SYNPO2L: variants seen among roughly 807,000 people sequenced by gnomAD.
SYNPO2L encodes the protein synaptopodin 2 like, also known as synaptopodin 2-like protein.
Under a neutral mutation model 47.5 loss-of-function variants are expected in SYNPO2L, and 34 were observed. That is an observed-to-expected ratio of 0.72 (90% CI 0.54 to 0.95). SYNPO2L has a LOEUF of 0.95. SYNPO2L is among the 40% of genes least tolerant of loss of function. The pLI, the probability that SYNPO2L is intolerant of heterozygous loss-of-function variation, is 0.00. For missense variants in SYNPO2L, 1,246 were observed against 1,282.0 expected (o/e 0.97, Z 0.43); for synonymous variants, 536 against 524.9 (o/e 1.02, Z -0.29).
At position 73,648,425 on chromosome 10, in the gene SYNPO2L, T is replaced by G. The variant is rs1589452776; in HGVS notation, c.1227A>C (p.Glu409Asp). 1 of 1,608,378 alleles carries G rather than the reference T, an allele frequency of 6.2e-7. No individual in the cohort carries two copies. Reference protein sequence around the residue: ...DSSTQELARVEPAAMLNGEGL... With the variant: ...DSSTQELARVDPAAMLNGEGL... ...CTTCCCCGTTGAGCATGGCTGCTGG[T>G]TCGACCCGTGCCAGTTCCTGGGTGC... Residue 409 changes from glutamate (E) to aspartate (D), a missense_variant, in exon 4 of 4, where the codon GAA (glutamate) becomes GAC (aspartate). By Grantham distance (45) the Glu-to-Asp change is conservative. Transcript: ENST00000394810.
At chr10:73,650,713 G>T (rs2081834465) in intron 3 of SYNPO2L, 1 of 985,338 alleles carries the variant, frequency 1.0e-6, no homozygotes, top group Non-Finnish European at 1.2e-6. Context: ...AGCTCTTGTG[G>T]TCAGAAACCC....
chr10:73,645,011 G>C lies in SYNPO2L; in HGVS notation c.*1707C>G. The C allele has an allele frequency of 3.2e-6, 4 of 1,256,876 alleles. No individual in the cohort carries two copies. Among genetic ancestry groups the C allele is most frequent in the Non-Finnish European group, 4.1e-6 (4 of 971,792 alleles). The allele number at this position is 1,256,876 out of a possible 1,614,324, so 77.9% of individuals were successfully genotyped here. On this transcript the variant is annotated 3_prime_UTR_variant, in exon 4 of 4. Transcript: ENST00000394810. ...GCTGGTGGTGGTCTTGGTGAGAAGG[G>C]AGTCCATACTAAGATTGGAGATCAG...
chr10:73,647,153 G>A lies in SYNPO2L; in HGVS notation c.2499C>T (p.Ser833=), dbSNP rs746458878. ...QAARTLPKAQ[S]QGPRATPKQG... Reference sequence around the variant, plus strand: ...GCTTGGGTGTTGCCCGAGGCCCCTGGGATTGGGCCTTAGGGAGAGTTCGGG... The same window carrying A: ...GCTTGGGTGTTGCCCGAGGCCCCTGAGATTGGGCCTTAGGGAGAGTTCGGG... The change falls in exon 4 of 4, where the codon TCC becomes TCT. Residue 833 remains serine, a synonymous_variant. Transcript: ENST00000394810. The A allele has an allele frequency of 6.2e-7, 1 of 1,614,016 alleles. No homozygotes were observed. The highest frequency in any genetic ancestry group is 8.5e-7 in the Non-Finnish European group (1 of 1,179,958).
rs751269863 is a variant in SYNPO2L at position 73,645,111 on chromosome 10, G to A, written c.*1607C>T. On this transcript the variant is annotated 3_prime_UTR_variant, in exon 4 of 4. Transcript: ENST00000394810. The stretch of plus-strand genomic sequence containing the variant: ...GGACTGAAAGGAGGTTTTGGCTCTG[G>A]GTATTTCCCTACTCTTTCCCAGGCA... 3.4e-4 allele frequency: 425 copies of A among 1,232,558 alleles called. No homozygotes were observed. The highest frequency in any genetic ancestry group is 4.3e-4 in the Non-Finnish European group (413 of 963,954). The allele number at this position is 1,232,558 out of a possible 1,614,324, so 76.4% of individuals were successfully genotyped here. A position where few individuals can be genotyped will look rare whatever the true frequency, so the allele number is the denominator to read the frequency against.
At position 73,645,191 on chromosome 10, in the gene SYNPO2L, A is replaced by T; in HGVS notation, c.*1527T>A. 1 of 1,157,762 alleles carries T rather than the reference A, an allele frequency of 8.6e-7. No individual in the cohort carries two copies. The highest frequency in any genetic ancestry group is 1.1e-6 in the Non-Finnish European group (1 of 926,552). 71.7% of individuals were successfully genotyped at this position (1,157,762 alleles called of 1,614,324 possible). A position where few individuals can be genotyped will look rare whatever the true frequency, so the allele number is the denominator to read the frequency against. On this transcript the variant is annotated 3_prime_UTR_variant, in exon 4 of 4. Coordinates refer to ENST00000394810, the MANE Select transcript of SYNPO2L (RefSeq NM_001114133.3). ...AGAACAGACTCAAGGAAAATCACACAGACACCAACCGTTCTTTCAACACTC... is the reference window on the plus strand; with the variant it reads ...AGAACAGACTCAAGGAAAATCACACTGACACCAACCGTTCTTTCAACACTC...
rs746846008 is a variant in SYNPO2L at position 73,653,305 on chromosome 10, C to T, written c.606G>A (p.Pro202=). 1.8e-5 allele frequency: 28 copies of T among 1,551,362 alleles called. No homozygotes were observed. Among genetic ancestry groups the T allele is most frequent in the Non-Finnish European group, 2.4e-5 (27 of 1,146,928 alleles). Residue 202 remains proline, a synonymous_variant, in exon 3 of 4, where the codon CCG becomes CCA. Transcript: ENST00000394810. ...GAAGGGCTGCCCCATCCTCCCAAGA[C>T]GGGGAGCTCACACGGCTGTCACCCT... ...PSQGDSRVSS[P]SWEDGAALQP... is the part of the protein sequence containing the mutation.
intron 3 of SYNPO2L, among the ~76,000 whole-genome samples, chr10:73,651,539 C>A (rs73274515): frequency 6.6e-6 from 1 of 151,984 alleles, no homozygotes; most frequent in African/African-American, 2.4e-5. Context: ...TGGGAAAGCA[C>A]GGGAGGCATA....
Position 73,647,666 on chromosome 10 carries a change from C to A in SYNPO2L, c.1986G>T (p.Lys662Asn), listed in dbSNP as rs146498004. The A allele has an allele frequency of 6.2e-7, 1 of 1,614,032 alleles. No individual in the cohort carries two copies. Among genetic ancestry groups the A allele is most frequent in the Admixed American group, 1.7e-5 (1 of 60,012 alleles). Reference protein sequence around the residue: ...LLSLVQNLDEKPRAGGAESGP... With the variant: ...LLSLVQNLDENPRAGGAESGP... Reference sequence around the variant, plus strand: ...CAGATTCTGCACCCCCGGCCCGAGGCTTTTCATCCAGGTTCTGTACCAGCG... The same window carrying A: ...CAGATTCTGCACCCCCGGCCCGAGGATTTTCATCCAGGTTCTGTACCAGCG... Residue 662 changes from lysine (K) to asparagine (N), a missense_variant, in exon 4 of 4, where the codon AAG becomes AAT. Lys to Asn is a moderately conservative substitution (Grantham distance 94). This residue lies in a region of SYNPO2L where 1,037 missense variants were observed against 1,021.5 expected (regional missense o/e 1.02). Transcript: ENST00000394810.
chr10:73,649,003 CCT>C, intron 3 of SYNPO2L, 124 bp from the exon 4 acceptor site: 1 of 1,333,568 alleles, frequency 7.5e-7, no homozygotes, highest in Non-Finnish European at 9.6e-7. Context: ...CACAATGTCC[CCT>C]GTGACAAAGT....
chr10:73,653,917 A>G (rs1372442421), intron 2 of SYNPO2L: 3 of 746,194 alleles, frequency 4.0e-6, no homozygotes, highest in South Asian at 2.0e-5. Context: ...AAGTAGGCTC[A>G]TCAGTCAAAT....
rs371668773 is a variant in SYNPO2L at position 73,645,519 on chromosome 10, C to CT, written c.*1198dup. 4 of 995,570 alleles carry CT rather than the reference C, an allele frequency of 4.0e-6. No homozygotes were observed. The highest frequency in any genetic ancestry group is 1.1e-4 in the East Asian group (1 of 8,858). 61.7% of individuals were successfully genotyped at this position (995,570 alleles called of 1,614,324 possible). ...TTCATTCTCGGAGGGAATTTTCTTTCTTTTTTTCATTTCCTGGGTACTGGG... is the reference window on the plus strand; with the variant it reads ...TTCATTCTCGGAGGGAATTTTCTTTCTTTTTTTTCATTTCCTGGGTACTGGG... On this transcript the variant is annotated 3_prime_UTR_variant, in exon 4 of 4. Coordinates refer to ENST00000394810, the MANE Select transcript of SYNPO2L (RefSeq NM_001114133.3).
chr10:73,646,132 G>A lies in SYNPO2L; in HGVS notation c.*586C>T, dbSNP rs1321086413. 7 of 982,862 alleles carry A rather than the reference G, an allele frequency of 7.1e-6. No homozygotes were observed. The Admixed American group carries it at 4.4e-4, about 62-fold the overall frequency. 60.9% of individuals were successfully genotyped at this position (982,862 alleles called of 1,614,324 possible). Reference sequence around the variant, plus strand: ...AGCCACCGTGCCCGGCCTCAGATTGGGTCTTTATTTTGACCTCCCCTCTTA... The same window carrying A: ...AGCCACCGTGCCCGGCCTCAGATTGAGTCTTTATTTTGACCTCCCCTCTTA... On this transcript the variant is annotated 3_prime_UTR_variant, in exon 4 of 4. Transcript: ENST00000394810.
rs989576861 is a variant in SYNPO2L at position 73,644,907 on chromosome 10, T to C, written c.*1811A>G. On this transcript the variant is annotated 3_prime_UTR_variant, in exon 4 of 4. Transcript: ENST00000394810. ...AAGGTATGGGGCATAAATTTATTCT[T>C]GTGCACAAACCAAAGTATTGTGACT... 6 of 874,996 alleles carry C rather than the reference T, an allele frequency of 6.9e-6. No individual in the cohort carries two copies. Among genetic ancestry groups the C allele is most frequent in the Admixed American group, 4.9e-5 (1 of 20,502 alleles). The allele number at this position is 874,996 out of a possible 1,614,324, so 54.2% of individuals were successfully genotyped here.
Position 73,647,773 on chromosome 10 carries a change from C to A in SYNPO2L, c.1879G>T (p.Ala627Ser). ...TGCTTCCGGGTCCCCCGGCGCCGGG[C>A]CTCCTGCAGGATACCCGTGCGGGCA... is the stretch of plus-strand genomic sequence containing the variant. ...PAARTGILQEARRRGTRKQMF... is the reference protein window; with the variant it reads ...PAARTGILQESRRRGTRKQMF... The change falls in exon 4 of 4, where the codon GCC becomes TCC. Residue 627 changes from alanine to serine, a missense_variant. By Grantham distance (99) the Ala-to-Ser change is moderately conservative. Transcript: ENST00000394810. 6.2e-7 allele frequency: 1 copy of A among 1,613,448 alleles called. No homozygotes were observed. Among genetic ancestry groups the A allele is most frequent in the Non-Finnish European group, 8.5e-7 (1 of 1,179,566 alleles).
intron 3 of SYNPO2L, among the ~76,000 whole-genome samples, chr10:73,652,689 C>T (rs538308380): frequency 3.2e-4 from 49 of 152,126 alleles, no homozygotes; most frequent in African/African-American, 1.2e-3. Context: ...AAAAACAAAA[C>T]AAAACAAAAA....
chr10:73,649,811 A>C, intron 3 of SYNPO2L: 1 of 985,382 alleles, frequency 1.0e-6, no homozygotes, highest in South Asian at 4.7e-5. Flanking sequence ...TGCTACTCAC[A>C]GTCAGGGGTA....
rs531343221 is a variant in SYNPO2L, at chr10:73,655,943, C to T, written c.-21G>A. On this transcript the variant is annotated 5_prime_UTR_variant, in exon 1 of 4. Transcript: ENST00000394810. ...CCCATCGCTCAGCTTGGCCTATGGCCCCCGGAGTTTGAACAGTGTCCCCAG... is the reference window on the plus strand; with the variant it reads ...CCCATCGCTCAGCTTGGCCTATGGCTCCCGGAGTTTGAACAGTGTCCCCAG... 2.3e-5 allele frequency: 36 copies of T among 1,543,410 alleles called. No individual in the cohort carries two copies. In the Admixed American group the frequency reaches 3.6e-4, roughly 16 times the overall value.
intron 3 of SYNPO2L, chr10:73,651,093 C>T: frequency 1.4e-6 from 2 of 1,460,346 alleles, no homozygotes; most frequent in Non-Finnish European, 1.8e-6. Flanking sequence ...GTCCCCAGAG[C>T]TGGCAGCTGA....
At position 73,645,665 on chromosome 10, in the gene SYNPO2L, T is replaced by C; in HGVS notation, c.*1053A>G. The C allele has an allele frequency of 1.0e-6, 1 of 986,052 alleles. No homozygotes were observed. Among genetic ancestry groups the C allele is most frequent in the Non-Finnish European group, 1.2e-6 (1 of 830,104 alleles). 61.1% of individuals were successfully genotyped at this position (986,052 alleles called of 1,614,324 possible). On this transcript the variant is annotated 3_prime_UTR_variant, in exon 4 of 4. Transcript: ENST00000394810. ...CATGCAAACTGTCCTGGCCCTTCAGTCTTTTCATGCTCCATAACTTTCACA... is the reference window on the plus strand; with the variant it reads ...CATGCAAACTGTCCTGGCCCTTCAGCCTTTTCATGCTCCATAACTTTCACA...
Sources: gnomAD v4.1 joint callset for allele counts (sites outside exome capture counted in the v4.1 genomes callset) on GRCh38, gnomAD v4.1.1 for gene constraint, gnomAD v4.1.1 regional missense constraint, MANE v1.5 for transcripts, NCBI Gene and HGNC (gene_info 2026-07-23, HGNC 2026-07-21) for gene names.